Variants in SOX5 observed in about 807,000 individuals in gnomAD.
The protein encoded by SOX5 is transcription factor SOX-5.
Under a neutral mutation model 92.0 loss-of-function variants are expected in SOX5, and 9 were observed. The observed-to-expected ratio is 0.10, with a 90% CI of 0.06 to 0.17. SOX5 has a LOEUF of 0.17. SOX5 is among the 10% of genes least tolerant of loss of function. The pLI is 1.00. For missense variants in SOX5, 642 were observed against 944.5 expected, an observed-to-expected ratio of 0.68 and a Z score of 4.20; for synonymous variants, 344 against 336.3, an observed-to-expected ratio of 1.02 and a Z score of -0.25.
rs182004603 is a variant in SOX5 at position 24,426,695 on chromosome 12, G to A, written c.-250-58056C>T. On this transcript the variant is annotated intron_variant, in intron 1 of 4. Coordinates refer to the SOX5 transcript ENST00000446891. The stretch of plus-strand genomic sequence containing the variant: ...TCCAGAATTTCATATCTTAGTCTTC[G>A]CTGAATACTCCAGCGTACTGCCCCA... Among the ~76,000 whole-genome samples the A allele has an allele frequency of 9.9e-5, 15 of 152,136 alleles. No homozygotes were observed. The East Asian group carries it at 2.5e-3, about 25-fold the overall frequency.
chr12:24,232,314 C>T (rs1963563773), intron 3 of SOX5, among the ~76,000 whole-genome samples: 1 of 152,160 alleles, frequency 6.6e-6, no homozygotes, highest in Admixed American at 6.5e-5. Flanking sequence ...GGGATAACTC[C>T]AGAAATTTCC....
intron 6 of SOX5, among the ~76,000 whole-genome samples, chr12:23,682,577 T>C (rs1313589601): frequency 1.3e-5 from 2 of 151,824 alleles, no homozygotes; most frequent in African/African-American, 2.4e-5. Flanking sequence ...CCTGTACAGT[T>C]TGAAGATTGC....
chr12:23,758,888 A>G (rs1055963189), intron 3 of SOX5, among the ~76,000 whole-genome samples: 2 of 151,928 alleles, frequency 1.3e-5, no homozygotes, highest in African/African-American at 2.4e-5. Context: ...CGATGCAGCA[A>G]GAAGGCCCTC....
chr12:24,088,558 C>T (rs549926954), intron 4 of SOX5, among the ~76,000 whole-genome samples: 1 of 151,632 alleles, frequency 6.6e-6, no homozygotes, highest in South Asian at 2.1e-4. Flanking sequence ...TGAATCTAAG[C>T]AAATATTCTA....
intron 4 of SOX5, among the ~76,000 whole-genome samples, chr12:24,002,194 A>G (rs1206248926): frequency 1.3e-5 from 2 of 152,114 alleles, no homozygotes; most frequent in African/African-American, 4.8e-5. Flanking sequence ...GGCAGGAAAT[A>G]AGAAAGATCA....
chr12:23,535,070 C>A lies in SOX5; in HGVS notation c.1989-548G>T, dbSNP rs567529116. On this transcript the variant is annotated intron_variant, in intron 14 of 14. Coordinates refer to ENST00000451604, the MANE Select transcript of SOX5 (RefSeq NM_006940.6). Reference sequence around the variant, plus strand: ...CAAGATATTGACATGTGTTGTCCATCTTATTCTTAATCCTGTTTGTTACTA... The same window carrying A: ...CAAGATATTGACATGTGTTGTCCATATTATTCTTAATCCTGTTTGTTACTA... Among the ~76,000 whole-genome samples the A allele has an allele frequency of 2.0e-5, 3 of 152,260 alleles. No homozygotes were observed. The East Asian group carries it at 5.8e-4, about 29-fold the overall frequency.
At chr12:24,219,918 G>A (rs1959996956) in intron 3 of SOX5, among the ~76,000 whole-genome samples, 1 of 152,122 alleles carries the variant, frequency 6.6e-6, no homozygotes, top group African/African-American at 2.4e-5. Flanking sequence ...ACAGATGTAA[G>A]CTTGAGTTCA....
At chr12:24,195,648 C>T (rs998272432) in intron 4 of SOX5, among the ~76,000 whole-genome samples, 3 of 152,018 alleles carry the variant, frequency 2.0e-5, no homozygotes, top group Non-Finnish European at 4.4e-5. Flanking sequence ...AACTGCATGT[C>T]CCTCCTGTCT....
chr12:23,741,713 T>C (rs1056232802), intron 4 of SOX5, among the ~76,000 whole-genome samples: 1 of 152,162 alleles, frequency 6.6e-6, no homozygotes, highest in Non-Finnish European at 1.5e-5. Context: ...TACAGTTAAC[T>C]GAGCAAATAT....
rs192197917 is a variant in SOX5 at position 23,609,538 on chromosome 12, A to G, written c.1018-5005T>C. On this transcript the variant is annotated intron_variant, in intron 8 of 14. Transcript: ENST00000451604. Reference sequence around the variant, plus strand: ...AATTAACTGGGGAAAAGAAAAGACAAACAGAGGAACAGGATGATAATACAA... The same window carrying G: ...AATTAACTGGGGAAAAGAAAAGACAGACAGAGGAACAGGATGATAATACAA... 2.9e-4 allele frequency among the ~76,000 whole-genome samples: 43 copies of G among 148,152 alleles called. 1 individual carries two copies. Among genetic ancestry groups the G allele is most frequent in the African/African-American group, 1.1e-3 (42 of 37,642 alleles).
At chr12:23,604,323 A>G (rs964126116) in intron 9 of SOX5, 64 bp downstream of exon 9, 12 of 1,564,578 alleles carry the variant, frequency 7.7e-6, no homozygotes, top group Non-Finnish European at 1.1e-5. Flanking sequence ...ATAGACATTT[A>G]ATAAATACCA....
chr12:23,601,960 G>C (rs2074556745), intron 9 of SOX5, among the ~76,000 whole-genome samples: 1 of 152,068 alleles, frequency 6.6e-6, no homozygotes, highest in Admixed American at 6.6e-5. Flanking sequence ...GTTGTTACTT[G>C]AAAAGAGGCA....
intron 1 of SOX5, among the ~76,000 whole-genome samples, chr12:23,932,637 T>C (rs1409171276): frequency 1.3e-5 from 2 of 151,682 alleles, no homozygotes; most frequent in Admixed American, 1.3e-4. Flanking sequence ...CATTGTGTTA[T>C]TATTTCAACT....
intron 1 of SOX5, among the ~76,000 whole-genome samples, chr12:24,405,129 T>C (rs970448815): frequency 6.6e-6 from 1 of 152,144 alleles, no homozygotes; most frequent in African/African-American, 2.4e-5. Context: ...CAATTTCTGT[T>C]GTTTGTCACC....
At chr12:24,336,917 A>T (rs1322850373) in intron 2 of SOX5, among the ~76,000 whole-genome samples, 1 of 152,202 alleles carries the variant, frequency 6.6e-6, no homozygotes, top group Non-Finnish European at 1.5e-5. Flanking sequence ...GCATTTTCTG[A>T]GCAAATGAGC....
intron 3 of SOX5, among the ~76,000 whole-genome samples, chr12:23,758,657 T>C (rs555459275): frequency 6.6e-6 from 1 of 152,146 alleles, no homozygotes; most frequent in African/African-American, 2.4e-5. Flanking sequence ...TTGCAGCACA[T>C]ACATTGCTGT....
chr12:23,994,833 T>C (rs1247438246), intron 4 of SOX5, among the ~76,000 whole-genome samples: 2 of 152,224 alleles, frequency 1.3e-5, no homozygotes, highest in African/African-American at 2.4e-5. Flanking sequence ...ATGAGCTTTT[T>C]TGTGCTATTG....
At chr12:24,438,579 G>A (rs1189739479) in intron 1 of SOX5, among the ~76,000 whole-genome samples, 1 of 152,150 alleles carries the variant, frequency 6.6e-6, no homozygotes, top group Non-Finnish European at 1.5e-5. Context: ...TGGTTCATGA[G>A]AGGGGGTAAA....
At chr12:24,524,793 G>C (rs1220825193) in intron 1 of SOX5, among the ~76,000 whole-genome samples, 1 of 152,142 alleles carries the variant, frequency 6.6e-6, no homozygotes, top group Middle Eastern at 3.2e-3. Flanking sequence ...GAAGCAGAAG[G>C]ATCGCTGGAG....
Sources: gnomAD v4.1 joint callset for allele counts (sites outside exome capture counted in the v4.1 genomes callset) on GRCh38, gnomAD v4.1.1 for gene constraint, MANE v1.5 for transcripts, NCBI Gene and HGNC (gene_info 2026-07-23, HGNC 2026-07-21) for gene names.